The following SNX8 variants were observed in gnomAD, a reference collection of about 807,000 sequenced individuals.
The protein encoded by SNX8 is sorting nexin-8.
A neutral mutation model predicts 51.6 loss-of-function variants in SNX8; 25 were observed. The ratio of observed to expected loss-of-function variants is 0.48; its 90% CI spans 0.35 to 0.68. SNX8 has a LOEUF of 0.68. Among genes scored for constraint, SNX8 ranks in the 30% least tolerant of loss-of-function variants. SNX8 has a pLI of 0.00. For synonymous variants in SNX8, 324 were observed against 277.0 expected, an observed-to-expected ratio of 1.17 and a Z score of -1.68; for missense variants, 695 against 624.0, an observed-to-expected ratio of 1.11 and a Z score of -1.21.
intron 1 of SNX8, among the ~76,000 whole-genome samples, chr7:2,345,673 A>C (rs1779008071): frequency 7.8e-6 from 1 of 127,470 alleles, no homozygotes; most frequent in African/African-American, 2.5e-5. Flanking sequence ...CAGAGTGAGA[A>C]TCCGTCCAAA....
intron 1 of SNX8, among the ~76,000 whole-genome samples, chr7:2,348,096 T>C (rs141982933): frequency 3.9e-4 from 60 of 152,200 alleles, no homozygotes; most frequent in Non-Finnish European, 5.0e-4. Flanking sequence ...CTTCCTACTA[T>C]GTAAGGAATT....
intron 1 of SNX8, among the ~76,000 whole-genome samples, chr7:2,346,516 G>A (rs1344548224): frequency 5.3e-5 from 8 of 151,456 alleles, no homozygotes; most frequent in Non-Finnish European, 1.2e-4. Context: ...GGGAGGCCGA[G>A]GTGGGAGGAT....
chr7:2,273,829 G>C (rs370628408), intron 3 of SNX8, among the ~76,000 whole-genome samples: 2 of 151,896 alleles, frequency 1.3e-5, no homozygotes, highest in African/African-American at 4.8e-5. Flanking sequence ...GCGTGAACCC[G>C]GGAGGCGGAG....
intron 1 of SNX8, among the ~76,000 whole-genome samples, chr7:2,306,191 G>A (rs1796541540): frequency 6.6e-6 from 1 of 151,946 alleles, no homozygotes; most frequent in Non-Finnish European, 1.5e-5. Flanking sequence ...GCCCAGGCTG[G>A]AGTGCAGTGG....
At chr7:2,261,791 G>A (rs1449116780) in intron 7 of SNX8, among the ~76,000 whole-genome samples, 3 of 152,190 alleles carry the variant, frequency 2.0e-5, no homozygotes, top group Admixed American at 6.5e-5. Context: ...CAAAGACATC[G>A]AATTTCCTCT....
upstream of SNX8, chr7:2,314,475 T>G (rs531419352): frequency 2.5e-6 from 3 of 1,183,396 alleles, no homozygotes; most frequent in Non-Finnish European, 3.1e-6. Context: ...CGCGCAGCCC[T>G]GCCGCGCCGC....
At chr7:2,297,824 T>G (rs1235713819) in intron 1 of SNX8, among the ~76,000 whole-genome samples, 1 of 151,596 alleles carries the variant, frequency 6.6e-6, no homozygotes, top group East Asian at 1.9e-4. Context: ...CACTTATAAG[T>G]GAGAGCTGAA....
At chr7:2,264,555 C>G (rs1413559004) in intron 5 of SNX8, 97 bp from the exon 6 acceptor site, 1 of 1,277,794 alleles carries the variant, frequency 7.8e-7, no homozygotes, top group Non-Finnish European at 1.1e-6. Context: ...CCACGGGAGA[C>G]ACAGCAGGTC....
intron 1 of SNX8, among the ~76,000 whole-genome samples, chr7:2,292,374 T>C (rs1391270122): frequency 1.3e-5 from 2 of 151,536 alleles, no homozygotes; most frequent in African/African-American, 2.4e-5. Context: ...GCAGAAAATA[T>C]AGGCATAAAT....
chr7:2,351,885 AG>A (rs1779149092), intron 1 of SNX8, among the ~76,000 whole-genome samples: 1 of 145,506 alleles, frequency 6.9e-6, no homozygotes, highest in Non-Finnish European at 1.5e-5. Context: ...AAATCGAGTA[AG>A]TTTTTGTTGT....
At chr7:2,297,322 G>A (rs550314039) in intron 1 of SNX8, among the ~76,000 whole-genome samples, 94 of 151,570 alleles carry the variant, frequency 6.2e-4, no homozygotes, top group Non-Finnish European at 1.1e-3. Flanking sequence ...AGGCCGAGGC[G>A]GGCAGATCAC....
At chr7:2,264,567 A>G (rs1030699891) in intron 5 of SNX8, 109 bp from the exon 6 acceptor site, 2 of 1,034,858 alleles carry the variant, frequency 1.9e-6, no homozygotes, top group Non-Finnish European at 2.8e-6. Flanking sequence ...CAGCAGGTCC[A>G]TGAGCCACCC....
chr7:2,257,498 T>G lies in SNX8; in HGVS notation c.1001A>C (p.His334Pro). The change falls in exon 9 of 11, where the codon CAT becomes CCT. Residue 334 changes from histidine to proline, a missense_variant. His to Pro is a moderately conservative substitution (Grantham distance 77, BLOSUM62 -2). Coordinates refer to ENST00000222990, the MANE Select transcript of SNX8 (RefSeq NM_013321.4). Reference protein sequence around the residue: ...LQSYKDLCERHEKGVLHKHQR... With the variant: ...LQSYKDLCERPEKGVLHKHQR... The stretch of plus-strand genomic sequence containing the variant: ...GTGCTTGTGCAACACGCCCTTCTCA[T>G]GCCGCTCGCACAGGTCCTGCGGGGC... 1 of 1,604,360 alleles carries G rather than the reference T, an allele frequency of 6.2e-7. No homozygotes were observed.
intron 1 of SNX8, among the ~76,000 whole-genome samples, chr7:2,310,913 G>A (rs1009437407): frequency 1.3e-5 from 2 of 152,138 alleles, no homozygotes; most frequent in Non-Finnish European, 1.5e-5. Context: ...GAACTAAAAC[G>A]GTCCATCCCA....
At chr7:2,309,322 G>A (rs987148006) in intron 1 of SNX8, among the ~76,000 whole-genome samples, 6 of 152,200 alleles carry the variant, frequency 3.9e-5, no homozygotes, top group African/African-American at 7.2e-5. Flanking sequence ...AGGAGTTTGA[G>A]ATCATCCTTC....
Position 2,300,163 on chromosome 7 carries a change from A to C in SNX8, c.94+14165T>G, listed in dbSNP as rs555300772. 3.9e-5 allele frequency among the ~76,000 whole-genome samples: 6 copies of C among 152,300 alleles called. No homozygotes were observed. The South Asian group carries it at 1.2e-3, about 32-fold the overall frequency. Reference sequence around the variant, plus strand: ...AACACGAAGACCTAGTTTTCCATGCACAGAAGGCTGGACTCTCATCTGGTG... The same window carrying C: ...AACACGAAGACCTAGTTTTCCATGCCCAGAAGGCTGGACTCTCATCTGGTG... On this transcript the variant is annotated intron_variant, in intron 1 of 10. Coordinates refer to ENST00000222990, the MANE Select transcript of SNX8 (RefSeq NM_013321.4).
At position 2,257,391 on chromosome 7, in the gene SNX8, C is replaced by G. The variant is rs753591232; in HGVS notation, c.1108G>C (p.Glu370Gln). 5.0e-6 allele frequency: 8 copies of G among 1,609,588 alleles called. No homozygotes were observed. Among genetic ancestry groups the G allele is most frequent in the Non-Finnish European group, 5.1e-6 (6 of 1,179,558 alleles). ...TAQNREPESVEQLESRIVEQE... is the reference protein window; with the variant it reads ...TAQNREPESVQQLESRIVEQE... ...TCCACAATGCGGGACTCCAGCTGCTCCACGGACTCCGGCTCGCGGTTCTGC... is the reference window on the plus strand; with the variant it reads ...TCCACAATGCGGGACTCCAGCTGCTGCACGGACTCCGGCTCGCGGTTCTGC... Residue 370 changes from glutamate to glutamine, a missense_variant, in exon 9 of 11, where the codon GAG becomes CAG. Coordinates refer to ENST00000222990, the MANE Select transcript of SNX8 (RefSeq NM_013321.4).
chr7:2,348,090 C>T (rs1281441312), intron 1 of SNX8, among the ~76,000 whole-genome samples: 6 of 152,034 alleles, frequency 3.9e-5, no homozygotes, highest in African/African-American at 1.4e-4. Context: ...TTTCGGCTTC[C>T]TACTATGTAA....
At chr7:2,273,367 G>A (rs1264129901) in intron 3 of SNX8, among the ~76,000 whole-genome samples, 1 of 151,332 alleles carries the variant, frequency 6.6e-6, no homozygotes, top group Non-Finnish European at 1.5e-5. Context: ...GGTGGATCAT[G>A]AGGTCAGGAG....
Sources: allele counts gnomAD v4.1 joint callset (sites outside exome capture counted in the v4.1 genomes callset), GRCh38; gene constraint gnomAD v4.1.1; transcripts MANE v1.5; gene names NCBI Gene and HGNC (gene_info 2026-07-23, HGNC 2026-07-21).